The following SOD3 variants were observed in gnomAD, a reference collection of about 807,000 sequenced individuals.
The protein encoded by SOD3 is extracellular superoxide dismutase [Cu-Zn].
Under a neutral mutation model 2.6 loss-of-function variants are expected in SOD3, and 3 were observed. The ratio of observed to expected loss-of-function variants is 1.13; its 90% CI spans 0.52 to 2.93. The LOEUF (loss-of-function observed/expected upper bound fraction) is 2.93. SOD3 is among the 30% of genes most tolerant of loss of function. The probability of loss-of-function intolerance (pLI) is 0.04; values close to 1 mark genes in which losing one functional copy is unlikely to be tolerated. For synonymous variants in SOD3, 188 were observed against 177.5 expected (o/e 1.06, Z -0.47); for missense variants, 379 against 370.4 (o/e 1.02, Z -0.19).
At chr4:24,797,876 G>A (rs951484162) in intron 1 of SOD3, among the ~76,000 whole-genome samples, 2 of 152,108 alleles carry the variant, frequency 1.3e-5, no homozygotes, top group Admixed American at 6.5e-5. Flanking sequence ...GAAATACCTC[G>A]GTGGCATGGC....
rs1713879750 is a variant in SOD3 at position 24,800,821 on chromosome 4, A to G, written c.*577A>G. ...GAATGTTTGGCAACCTTTGTGTTACAGATTAAAAATTCAGCAATTCAGTAC... is the reference window on the plus strand; with the variant it reads ...GAATGTTTGGCAACCTTTGTGTTACGGATTAAAAATTCAGCAATTCAGTAC... On this transcript the variant is annotated 3_prime_UTR_variant, in exon 2 of 2. Transcript: ENST00000382120. 6.5e-6 allele frequency: 1 copy of G among 154,318 alleles called. No individual in the cohort carries two copies. The highest frequency in any genetic ancestry group is 1.5e-5 in the Non-Finnish European group (1 of 68,146). 9.6% of individuals were successfully genotyped at this position (154,318 alleles called of 1,614,324 possible). A position where few individuals can be genotyped will look rare whatever the true frequency, so the allele number is the denominator to read the frequency against.
rs1317914904 is a variant in SOD3, at chr4:24,800,116, G to A, written c.595G>A (p.Gly199Arg). ...RGGNQASVENGNAGRRLACCV... is the reference protein window; with the variant it reads ...RGGNQASVENRNAGRRLACCV... ...CGGCAACCAGGCCAGCGTGGAGAAC[G>A]GGAACGCGGGCCGGCGGCTGGCCTG... The change falls in exon 2 of 2, where the codon GGG (glycine) becomes AGG (arginine). Residue 199 changes from glycine (G) to arginine (R), a missense_variant. Coordinates refer to ENST00000382120, the MANE Select transcript of SOD3 (RefSeq NM_003102.4). 12 of 1,379,634 alleles carry A rather than the reference G, an allele frequency of 8.7e-6. No homozygotes were observed. Among genetic ancestry groups the A allele is most frequent in the Non-Finnish European group, 1.1e-5 (12 of 1,077,262 alleles). 85.5% of individuals were successfully genotyped at this position (1,379,634 alleles called of 1,614,324 possible).
rs1372551117 is a variant in SOD3 at position 24,798,482 on chromosome 4, A to G, written c.-16-1024A>G. ...CTGTGTGCACCACCTGCACTTTGGT[A>G]AAAGCCTTCATTTCCTGCTTGGGTT... On this transcript the variant is annotated intron_variant, in intron 1 of 1. Transcript: ENST00000382120. 4.6e-5 allele frequency among the ~76,000 whole-genome samples: 7 copies of G among 152,044 alleles called. No homozygotes were observed. The East Asian group carries it at 9.7e-4, about 21-fold the overall frequency.
At chr4:24,796,432 TC>T (rs1269051542) in intron 1 of SOD3, among the ~76,000 whole-genome samples, 171 of 98,426 alleles carry the variant, frequency 1.7e-3, no homozygotes, top group Non-Finnish European at 2.8e-3. Context: ...TCCTCCTTCT[TC>T]TCTTTTTTTT....
rs757434453 is a variant in SOD3, at chr4:24,799,595, C to T, written c.74C>T (p.Ala25Val). The T allele has an allele frequency of 6.2e-6, 10 of 1,603,322 alleles. No homozygotes were observed. The highest frequency in any genetic ancestry group is 8.5e-6 in the Non-Finnish European group (10 of 1,178,418). The change falls in exon 2 of 2, where the codon GCG becomes GTG. Residue 25 changes from alanine (A) to valine (V), a missense_variant. Physicochemically the swap from Ala to Val is moderately conservative, Grantham distance 64 (BLOSUM62 0). Coordinates refer to ENST00000382120, the MANE Select transcript of SOD3 (RefSeq NM_003102.4). ...GACGCCTGGACGGGCGAGGACTCGG[C>T]GGAGCCCAACTCTGACTCGGCGGAG... is the stretch of plus-strand genomic sequence containing the variant. ...ASDAWTGEDS[A>V]EPNSDSAEWI...
chr4:24,799,279 G>A (rs996514620), intron 1 of SOD3, among the ~76,000 whole-genome samples: 4 of 152,202 alleles, frequency 2.6e-5, no homozygotes, highest in Admixed American at 2.0e-4. Context: ...ATCCCTGTGG[G>A]TTTCTTCAGA....
In SOD3 at chr4:24,800,086, C is replaced by A. The variant is rs1207948009; in HGVS notation, c.565C>A (p.Arg189Ser). 2 of 1,404,050 alleles carry A rather than the reference C, an allele frequency of 1.4e-6. No individual in the cohort carries two copies. The highest frequency in any genetic ancestry group is 1.8e-6 in the Non-Finnish European group (2 of 1,090,422). The allele number at this position is 1,404,050 out of a possible 1,614,324, so 87.0% of individuals were successfully genotyped here. A position where few individuals can be genotyped will look rare whatever the true frequency, so the allele number is the denominator to read the frequency against. Residue 189 changes from arginine to serine, a missense_variant, in exon 2 of 2, where the codon CGC (arginine) becomes AGC (serine). Coordinates refer to ENST00000382120, the MANE Select transcript of SOD3 (RefSeq NM_003102.4). ...CCACGCTGGCGAGGACGACCTGGGC[C>A]GCGGCGGCAACCAGGCCAGCGTGGA... Reference protein sequence around the residue: ...VVHAGEDDLGRGGNQASVENG... With the variant: ...VVHAGEDDLGSGGNQASVENG...
At chr4:24,797,877 G>C (rs984131407) in intron 1 of SOD3, among the ~76,000 whole-genome samples, 3 of 152,136 alleles carry the variant, frequency 2.0e-5, no homozygotes, top group African/African-American at 7.2e-5. Context: ...AAATACCTCG[G>C]TGGCATGGCT....
Position 24,800,154 on chromosome 4 carries a change from C to T in SOD3, c.633C>T (p.Gly211=), listed in dbSNP as rs1341520554. The stretch of plus-strand genomic sequence containing the variant: ...GGCGGCTGGCCTGCTGCGTGGTGGG[C>T]GTGTGCGGGCCCGGGCTCTGGGAGC... ...AGRRLACCVV[G]VCGPGLWERQ... The change falls in exon 2 of 2, where the codon GGC becomes GGT. Residue 211 remains glycine (G), a synonymous_variant. Transcript: ENST00000382120. 7.2e-7 allele frequency: 1 copy of T among 1,392,676 alleles called. No homozygotes were observed. The highest frequency in any genetic ancestry group is 9.2e-7 in the Non-Finnish European group (1 of 1,083,644). The allele number at this position is 1,392,676 out of a possible 1,614,324, so 86.3% of individuals were successfully genotyped here. A position where few individuals can be genotyped will look rare whatever the true frequency, so the allele number is the denominator to read the frequency against.
chr4:24,796,622 ATTTTTTTT>A (rs58441391), intron 1 of SOD3, among the ~76,000 whole-genome samples: 95 of 126,116 alleles, frequency 7.5e-4, no homozygotes, highest in Admixed American at 1.2e-3. Flanking sequence ...ACACCCAGCT[ATTTTTTTT>A]TTTTTTTTTT....
chr4:24,799,588 GACTCGGCGGAGCCCA>G lies in SOD3; in HGVS notation c.72_86del (p.Ala25_Ser29del), dbSNP rs1400870349. 1.2e-6 allele frequency: 2 copies of G among 1,603,416 alleles called. No individual in the cohort carries two copies. Among genetic ancestry groups the G allele is most frequent in the South Asian group, 2.2e-5 (2 of 90,218 alleles). Reference sequence around the variant, plus strand: ...TGCCTCGGACGCCTGGACGGGCGAGGACTCGGCGGAGCCCAACTCTGACTCGGCGGAGTGGATCCG... The same window carrying G: ...TGCCTCGGACGCCTGGACGGGCGAGGACTCTGACTCGGCGGAGTGGATCCG... On this transcript the variant is annotated inframe_deletion, in exon 2 of 2. Coordinates refer to ENST00000382120, the MANE Select transcript of SOD3 (RefSeq NM_003102.4).
intron 1 of SOD3, among the ~76,000 whole-genome samples, chr4:24,797,454 AAT>A (rs1713704072): frequency 6.6e-6 from 1 of 152,216 alleles, no homozygotes; most frequent in Non-Finnish European, 1.5e-5. Context: ...CAGTACTTAT[AAT>A]AGTGTCTGGC....
At chr4:24,799,190 G>A (rs1482435248) in intron 1 of SOD3, among the ~76,000 whole-genome samples, 1 of 152,158 alleles carries the variant, frequency 6.6e-6, no homozygotes, top group Non-Finnish European at 1.5e-5. Context: ...AGGGCCATGA[G>A]ACACCCCTCA....
Position 24,800,583 on chromosome 4 carries a change from C to A in SOD3, c.*339C>A, listed in dbSNP as rs800447. On this transcript the variant is annotated 3_prime_UTR_variant, in exon 2 of 2. Coordinates refer to ENST00000382120, the MANE Select transcript of SOD3 (RefSeq NM_003102.4). ...ACCCCATAAGCCCTGAGACTCCCGC[C>A]TTTGACCTGACGATCTTCCCCCTTC... 3,602 of 211,328 alleles carry A rather than the reference C, an allele frequency of 0.017. 146 individuals carry two copies. Among genetic ancestry groups the A allele is most frequent in the African/African-American group, 0.08 (3,439 of 43,180 alleles). 13.1% of individuals were successfully genotyped at this position (211,328 alleles called of 1,614,324 possible).
Position 24,800,065 on chromosome 4 carries a change from G to T in SOD3, c.544G>T (p.Ala182Ser). 6.9e-7 allele frequency: 1 copy of T among 1,445,838 alleles called. No individual in the cohort carries two copies. Among genetic ancestry groups the T allele is most frequent in the Non-Finnish European group, 9.0e-7 (1 of 1,110,882 alleles). The allele number at this position is 1,445,838 out of a possible 1,614,324, so 89.6% of individuals were successfully genotyped here. Residue 182 changes from alanine to serine, a missense_variant, in exon 2 of 2, where the codon GCT becomes TCT. Ala to Ser is a moderately conservative substitution (Grantham distance 99, BLOSUM62 1). Coordinates refer to ENST00000382120, the MANE Select transcript of SOD3 (RefSeq NM_003102.4). The part of the protein sequence containing the change: ...SIVGRAVVVH[A>S]GEDDLGRGGN... ...CGTGGGCCGGGCCGTGGTCGTCCAC[G>T]CTGGCGAGGACGACCTGGGCCGCGG...
At position 24,800,285 on chromosome 4, in the gene SOD3, C is replaced by A. The variant is rs974765195; in HGVS notation, c.*41C>A. On this transcript the variant is annotated 3_prime_UTR_variant, in exon 2 of 2. Coordinates refer to ENST00000382120, the MANE Select transcript of SOD3 (RefSeq NM_003102.4). ...GGCGGCGGCCAGGGACCCCCGAGGCCCCCCTCTGCCTTTGAGCTTCTCCTC... is the reference window on the plus strand; with the variant it reads ...GGCGGCGGCCAGGGACCCCCGAGGCACCCCTCTGCCTTTGAGCTTCTCCTC... The A allele has an allele frequency of 7.3e-7, 1 of 1,369,634 alleles. No homozygotes were observed. The highest frequency in any genetic ancestry group is 9.4e-7 in the Non-Finnish European group (1 of 1,063,020). 84.8% of individuals were successfully genotyped at this position (1,369,634 alleles called of 1,614,324 possible).
chr4:24,799,492 G>A lies in SOD3; in HGVS notation c.-16-14G>A. ...GCCTCACTCTGCCCCCACCTCCGCG[G>A]GGGCGTCCCGCAGGTGCCCGACTCC... On this transcript the variant is annotated splice_polypyrimidine_tract_variant and intron_variant, in intron 1 of 1. Coordinates refer to ENST00000382120, the MANE Select transcript of SOD3 (RefSeq NM_003102.4). The A allele has an allele frequency of 1.3e-6, 2 of 1,594,578 alleles. No homozygotes were observed. Among genetic ancestry groups the A allele is most frequent in the African/African-American group, 1.3e-5 (1 of 74,934 alleles).
intron 1 of SOD3, among the ~76,000 whole-genome samples, chr4:24,795,907 A>G (rs1210172829): frequency 2.0e-5 from 3 of 152,064 alleles, no homozygotes; most frequent in Non-Finnish European, 4.4e-5. Context: ...TGTTAGGAAA[A>G]GGAATCTGGA....
Position 24,800,246 on chromosome 4 carries a change from C to T in SOD3, c.*2C>T. 1.4e-6 allele frequency: 2 copies of T among 1,392,462 alleles called. No homozygotes were observed. Among genetic ancestry groups the T allele is most frequent in the South Asian group, 3.4e-5 (2 of 59,644 alleles). The allele number at this position is 1,392,462 out of a possible 1,614,324, so 86.3% of individuals were successfully genotyped here. On this transcript the variant is annotated 3_prime_UTR_variant, in exon 2 of 2. Coordinates refer to ENST00000382120, the MANE Select transcript of SOD3 (RefSeq NM_003102.4). ...GAGAGCGAGTGCAAGGCCGCCTGAG[C>T]GCGGCCCCCACCCGGCGGCGGCCAG...
Sources: allele counts gnomAD v4.1 joint callset (sites outside exome capture counted in the v4.1 genomes callset), GRCh38; gene constraint gnomAD v4.1.1; transcripts MANE v1.5; gene names NCBI Gene and HGNC (gene_info 2026-07-23, HGNC 2026-07-21).